Variants in SLC16A9 observed in about 807,000 individuals in gnomAD.
The protein encoded by SLC16A9 is solute carrier family 16 member 9.
Under a neutral mutation model 44.3 loss-of-function variants are expected in SLC16A9, and 26 were observed. That is an observed-to-expected ratio of 0.59 (90% CI 0.43 to 0.81). The LOEUF is 0.81. SLC16A9 is among the 40% of genes least tolerant of loss of function. The probability of loss-of-function intolerance (pLI) is 0.00; values close to 1 mark genes in which losing one functional copy is unlikely to be tolerated. For synonymous variants in SLC16A9, 230 were observed against 225.1 expected (o/e 1.02, Z -0.19); for missense variants, 559 against 595.8 (o/e 0.94, Z 0.64).
In SLC16A9 at chr10:59,653,857, G is replaced by A. The variant is rs1222202277; in HGVS notation, c.1169C>T (p.Pro390Leu). ...CAATGTGACATAGCTTTTGGCAAAT[G>A]GAATTGCACACAAGGCTAGGCCCAT... ...IIMGLALCAI[P>L]FAKSYVTLAL... is the part of the protein sequence containing the mutation. The change falls in exon 5 of 6, where the codon CCA becomes CTA. Residue 390 changes from proline to leucine, a missense_variant. Coordinates refer to ENST00000395348, the MANE Select transcript of SLC16A9 (RefSeq NM_194298.3). 6.2e-7 allele frequency: 1 copy of A among 1,614,110 alleles called. No homozygotes were observed. Among genetic ancestry groups the A allele is most frequent in the Admixed American group, 1.7e-5 (1 of 60,020 alleles).
intron 2 of SLC16A9, among the ~76,000 whole-genome samples, chr10:59,677,391 G>A (rs1205789396): frequency 2.0e-5 from 3 of 152,134 alleles, no homozygotes; most frequent in Non-Finnish European, 2.9e-5. Context: ...TACACCCAGC[G>A]CAGTGTGTAT....
At chr10:59,685,261 C>T (rs1840106691) in intron 1 of SLC16A9, among the ~76,000 whole-genome samples, 1 of 152,144 alleles carries the variant, frequency 6.6e-6, no homozygotes, top group African/African-American at 2.4e-5. Context: ...ATACATATGG[C>T]TGTATGCTTG....
intron 1 of SLC16A9, among the ~76,000 whole-genome samples, chr10:59,689,451 G>A (rs1840206470): frequency 1.3e-5 from 2 of 152,298 alleles, no homozygotes; most frequent in Admixed American, 1.3e-4. Context: ...GCAATAAAGG[G>A]CATCTAACCC....
chr10:59,695,881 C>T (rs1333685524), intron 1 of SLC16A9, among the ~76,000 whole-genome samples: 1 of 152,104 alleles, frequency 6.6e-6, no homozygotes, highest in East Asian at 1.9e-4. Context: ...CTATTTTAAG[C>T]AAGTTAACAA....
chr10:59,709,713 AGCG>A lies in SLC16A9; in HGVS notation c.-274_-272del. On this transcript the variant is annotated 5_prime_UTR_variant, in exon 1 of 6. Transcript: ENST00000395348. ...CCGCCCTCTGCCCCCACAGACCCGC[AGCG>A]GCGGCGGCCACATGGAGCTGGGGAG... 1 of 152,100 alleles carries A rather than the reference AGCG, an allele frequency of 6.6e-6. No individual in the cohort carries two copies. The highest frequency in any genetic ancestry group is 1.5e-5 in the Non-Finnish European group (1 of 68,158). 9.4% of individuals were successfully genotyped at this position (152,100 alleles called of 1,614,324 possible).
chr10:59,697,770 TA>T (rs1386946200), intron 1 of SLC16A9, among the ~76,000 whole-genome samples: 4 of 148,390 alleles, frequency 2.7e-5, no homozygotes, highest in Admixed American at 6.7e-5. Context: ...AATAAATAAT[TA>T]AAAAAATAAA....
chr10:59,672,531 A>G (rs1191851667), intron 3 of SLC16A9, among the ~76,000 whole-genome samples: 2 of 152,220 alleles, frequency 1.3e-5, no homozygotes, highest in East Asian at 3.8e-4. Flanking sequence ...GGCTGAGATG[A>G]AAAACTTCCC....
At chr10:59,707,742 G>T (rs1840677931) in intron 1 of SLC16A9, among the ~76,000 whole-genome samples, 1 of 152,114 alleles carries the variant, frequency 6.6e-6, no homozygotes, top group South Asian at 2.1e-4. Flanking sequence ...TTAGGGGTTT[G>T]AAAGATTGAG....
At chr10:59,707,628 A>ATAT (rs1413758188) in intron 1 of SLC16A9, among the ~76,000 whole-genome samples, 6 of 151,348 alleles carry the variant, frequency 4.0e-5, no homozygotes, top group South Asian at 4.2e-4. Flanking sequence ...GACGTAATAC[A>ATAT]TATAGGTTAA....
intron 1 of SLC16A9, among the ~76,000 whole-genome samples, chr10:59,702,396 T>C (rs1202139370): frequency 6.6e-6 from 1 of 152,202 alleles, no homozygotes; most frequent in Non-Finnish European, 1.5e-5. Context: ...ATGGTTAACA[T>C]ACTCGCTGAT....
intron 3 of SLC16A9, among the ~76,000 whole-genome samples, chr10:59,669,740 G>A (rs1314016180): frequency 6.6e-6 from 1 of 152,120 alleles, no homozygotes; most frequent in Non-Finnish European, 1.5e-5. Flanking sequence ...GGGAGGCTGA[G>A]GCAGGAGAAT....
chr10:59,686,916 T>C (rs1207719839), intron 1 of SLC16A9, among the ~76,000 whole-genome samples: 1 of 152,246 alleles, frequency 6.6e-6, no homozygotes, highest in Non-Finnish European at 1.5e-5. Flanking sequence ...GTCAGGCACA[T>C]AGGCTGATTA....
chr10:59,690,174 C>T (rs1402173207), intron 1 of SLC16A9, among the ~76,000 whole-genome samples: 1 of 152,012 alleles, frequency 6.6e-6, no homozygotes, highest in East Asian at 1.9e-4. Flanking sequence ...GGCAACAGAT[C>T]AAGATGCTGT....
intron 1 of SLC16A9, among the ~76,000 whole-genome samples, chr10:59,704,427 T>A (rs73265547): frequency 0.055 from 8,309 of 152,218 alleles, 320 homozygotes; most frequent in African/African-American, 0.11. Flanking sequence ...AGAGACGTCA[T>A]GCTAAAGGAG....
intron 1 of SLC16A9, among the ~76,000 whole-genome samples, chr10:59,689,064 G>A (rs975627410): frequency 6.6e-6 from 1 of 152,090 alleles, no homozygotes; most frequent in Non-Finnish European, 1.5e-5. Flanking sequence ...AGCAAACCTT[G>A]GAAATACAAA....
At chr10:59,684,953 C>T (rs1031283148) in intron 1 of SLC16A9, among the ~76,000 whole-genome samples, 1 of 152,168 alleles carries the variant, frequency 6.6e-6, no homozygotes, top group African/African-American at 2.4e-5. Flanking sequence ...AATCTATCCC[C>T]ATAAGGGCTG....
chr10:59,685,349 C>G (rs528548677), intron 1 of SLC16A9, among the ~76,000 whole-genome samples: 1 of 152,266 alleles, frequency 6.6e-6, no homozygotes, highest in South Asian at 2.1e-4. Context: ...TAAACAGTCC[C>G]CTGTCTACCT....
chr10:59,675,027 G>T (rs1839828591), intron 2 of SLC16A9, among the ~76,000 whole-genome samples: 1 of 152,178 alleles, frequency 6.6e-6, no homozygotes, highest in Non-Finnish European at 1.5e-5. Flanking sequence ...AAAATGAACA[G>T]AAATTCTCTT....
intron 2 of SLC16A9, among the ~76,000 whole-genome samples, chr10:59,680,722 T>C (rs929116136): frequency 6.6e-6 from 1 of 152,122 alleles, no homozygotes; most frequent in Admixed American, 6.5e-5. Context: ...AGCTTATGCC[T>C]GTAATCCCAA....
Sources: gnomAD v4.1 joint callset for allele counts (sites outside exome capture counted in the v4.1 genomes callset) on GRCh38, gnomAD v4.1.1 for gene constraint, MANE v1.5 for transcripts, NCBI Gene and HGNC (gene_info 2026-07-23, HGNC 2026-07-21) for gene names.